PDE7A: variants seen among roughly 807,000 people sequenced by gnomAD.
PDE7A encodes the protein phosphodiesterase 7A.
A neutral mutation model predicts 64.3 loss-of-function variants in PDE7A; 39 were observed. That is an observed-to-expected ratio of 0.61 (90% CI 0.47 to 0.79). The LOEUF (loss-of-function observed/expected upper bound fraction) is 0.79, where lower values mean the gene tolerates loss of function less well. PDE7A is among the 30% of genes least tolerant of loss of function. The pLI, the probability that PDE7A is intolerant of heterozygous loss-of-function variation, is 0.00. For synonymous variants in PDE7A, 203 were observed against 206.8 expected, an observed-to-expected ratio of 0.98 and a Z score of 0.16; for missense variants, 470 against 582.8, an observed-to-expected ratio of 0.81 and a Z score of 1.99.
chr8:65,827,244 A>T (rs1470713105), intron 1 of PDE7A, among the ~76,000 whole-genome samples: 4 of 152,166 alleles, frequency 2.6e-5, no homozygotes, highest in Non-Finnish European at 5.9e-5. Flanking sequence ...AACAGAAGAG[A>T]TTTCTGTATT....
intron 1 of PDE7A, among the ~76,000 whole-genome samples, chr8:65,796,307 G>T (rs542985073): frequency 6.6e-6 from 1 of 151,572 alleles, no homozygotes. Context: ...CAGGTTAAAC[G>T]AACTCCAAAC....
chr8:65,726,757 C>A, intron 9 of PDE7A, 118 bp downstream of exon 9: 1 of 562,526 alleles, frequency 1.8e-6, no homozygotes, highest in Non-Finnish European at 3.2e-6. Context: ...TTAAATTTGA[C>A]AAACACTGAA....
At chr8:65,757,658 G>A (rs762482680) in intron 3 of PDE7A, among the ~76,000 whole-genome samples, 12 of 152,026 alleles carry the variant, frequency 7.9e-5, no homozygotes, top group Non-Finnish European at 1.5e-4. Context: ...TCGCTCTGTC[G>A]CCCAGGCTGA....
At chr8:65,720,237 G>C (rs2129063477) in intron 12 of PDE7A, among the ~76,000 whole-genome samples, 1 of 152,266 alleles carries the variant, frequency 6.6e-6, no homozygotes, top group Non-Finnish European at 1.5e-5. Flanking sequence ...TTAATACTAA[G>C]TAGTATCTTA....
At chr8:65,792,897 TAAG>T (rs745580634) in intron 1 of PDE7A, among the ~76,000 whole-genome samples, 2 of 152,162 alleles carry the variant, frequency 1.3e-5, no homozygotes, top group Admixed American at 6.5e-5. Context: ...GCCATTCAAT[TAAG>T]ACCTTTCTGT....
At chr8:65,824,544 T>C (rs150577778) in intron 1 of PDE7A, among the ~76,000 whole-genome samples, 13 of 152,256 alleles carry the variant, frequency 8.5e-5, no homozygotes, top group Non-Finnish European at 1.8e-4. Flanking sequence ...AAAGGGAAAG[T>C]CCATCAATGC....
At chr8:65,731,863 C>A (rs1806902315) in intron 7 of PDE7A, among the ~76,000 whole-genome samples, 1 of 152,140 alleles carries the variant, frequency 6.6e-6, no homozygotes, top group Non-Finnish European at 1.5e-5. Context: ...TGTACTTGGA[C>A]TTTCTTATGG....
At chr8:65,805,197 ACAAG>A (rs1307237325) in intron 1 of PDE7A, among the ~76,000 whole-genome samples, 1 of 152,212 alleles carries the variant, frequency 6.6e-6, no homozygotes, top group Non-Finnish European at 1.5e-5. Flanking sequence ...TGGATATAGT[ACAAG>A]CAGTTTATGG....
At chr8:65,833,163 GA>G (rs983294919) in intron 1 of PDE7A, among the ~76,000 whole-genome samples, 9 of 152,036 alleles carry the variant, frequency 5.9e-5, no homozygotes, top group Non-Finnish European at 1.3e-4. Flanking sequence ...TTAAATCCTG[GA>G]AGACAGCAAT....
intron 1 of PDE7A, among the ~76,000 whole-genome samples, chr8:65,825,536 T>C (rs1810650082): frequency 6.6e-6 from 1 of 152,200 alleles, no homozygotes; most frequent in Non-Finnish European, 1.5e-5. Context: ...CAACGCATTC[T>C]TAAATAAGAC....
At chr8:65,798,416 G>C (rs1185094796) in intron 1 of PDE7A, among the ~76,000 whole-genome samples, 1 of 151,702 alleles carries the variant, frequency 6.6e-6, no homozygotes, top group African/African-American at 2.4e-5. Flanking sequence ...CACCATGTTG[G>C]CCAGGCTGGT....
At chr8:65,824,238 T>A (rs1213461930) in intron 1 of PDE7A, among the ~76,000 whole-genome samples, 1 of 152,210 alleles carries the variant, frequency 6.6e-6, no homozygotes, top group African/African-American at 2.4e-5. Context: ...GTGATAGTGA[T>A]CTTTAATGAT....
chr8:65,812,764 A>G (rs1810286760), intron 1 of PDE7A, among the ~76,000 whole-genome samples: 1 of 152,244 alleles, frequency 6.6e-6, no homozygotes, highest in Admixed American at 6.5e-5. Flanking sequence ...AAAAACATGC[A>G]TAGCACCACT....
intron 3 of PDE7A, among the ~76,000 whole-genome samples, chr8:65,748,989 C>G (rs1271082353): frequency 2.0e-5 from 3 of 152,170 alleles, no homozygotes; most frequent in Admixed American, 2.0e-4. Context: ...ATATGAACTT[C>G]ATTTCCTTAG....
chr8:65,759,051 G>A (rs1164782307), intron 3 of PDE7A, among the ~76,000 whole-genome samples: 1 of 152,218 alleles, frequency 6.6e-6, no homozygotes, highest in Non-Finnish European at 1.5e-5. Flanking sequence ...CACTGCTGCA[G>A]TACCCCCAGA....
chr8:65,816,036 T>C (rs1810391460), intron 1 of PDE7A, among the ~76,000 whole-genome samples: 1 of 152,060 alleles, frequency 6.6e-6, no homozygotes, highest in African/African-American at 2.4e-5. Flanking sequence ...TCCTACTTCA[T>C]TTTGGAAAAT....
chr8:65,722,262 C>A (rs538849308), intron 12 of PDE7A: 1 of 152,238 alleles, frequency 6.6e-6, no homozygotes, highest in South Asian at 2.1e-4. Context: ...GCATCCCTCA[C>A]ACTCCTAAAG....
At chr8:65,787,064 A>C (rs1440376541) in intron 1 of PDE7A, among the ~76,000 whole-genome samples, 1 of 152,352 alleles carries the variant, frequency 6.6e-6, no homozygotes, top group East Asian at 1.9e-4. Context: ...ACTTTTAAAG[A>C]CAGACATGTT....
intron 1 of PDE7A, among the ~76,000 whole-genome samples, chr8:65,796,423 C>A (rs1809845653): frequency 6.6e-6 from 1 of 152,122 alleles, no homozygotes; most frequent in East Asian, 1.9e-4. Flanking sequence ...AGACTAATAT[C>A]CCCTATAAAC....
Sources: allele counts gnomAD v4.1 joint callset (sites outside exome capture counted in the v4.1 genomes callset), GRCh38; gene constraint gnomAD v4.1.1; transcripts MANE v1.5; gene names NCBI Gene and HGNC (gene_info 2026-07-23, HGNC 2026-07-21).